Variants in RBM19 observed in about 807,000 individuals in gnomAD.
RBM19 encodes RNA binding motif protein 19, also known as probable RNA-binding protein 19.
Under a neutral mutation model 116.8 loss-of-function variants are expected in RBM19, and 94 were observed. The observed-to-expected ratio is 0.80, with a 90% CI of 0.68 to 0.95. The LOEUF (loss-of-function observed/expected upper bound fraction) is 0.95. RBM19 is among the 40% of genes least tolerant of loss of function. RBM19 has a pLI of 0.00. For synonymous variants in RBM19, 475 were observed against 494.1 expected (o/e 0.96, Z 0.51); for missense variants, 1,161 against 1,220.7 (o/e 0.95, Z 0.73).
chr12:113,942,644 C>T (rs186637689), intron 13 of RBM19, among the ~76,000 whole-genome samples: 1 of 142,266 alleles, frequency 7.0e-6, no homozygotes, highest in Non-Finnish European at 1.5e-5. Flanking sequence ...TCTGTCATAT[C>T]TGTCCCCCAG....
Position 113,959,205 on chromosome 12 carries a change from C to T in RBM19, c.571+7G>A. The T allele has an allele frequency of 6.2e-7, 1 of 1,606,742 alleles. No individual in the cohort carries two copies. The highest frequency in any genetic ancestry group is 8.5e-7 in the Non-Finnish European group (1 of 1,175,846). ...GCGCATGGAGCACACAGTCCCCATGCCCTCACCTTCCAGGTCCTCCCCGGC... is the reference window on the plus strand; with the variant it reads ...GCGCATGGAGCACACAGTCCCCATGTCCTCACCTTCCAGGTCCTCCCCGGC... On this transcript the variant is annotated splice_region_variant and intron_variant, in intron 5 of 23. Coordinates refer to ENST00000261741, the MANE Select transcript of RBM19 (RefSeq NM_016196.4).
chr12:113,933,248 C>A (rs997396761), intron 16 of RBM19, among the ~76,000 whole-genome samples: 1 of 151,396 alleles, frequency 6.6e-6, no homozygotes, highest in Non-Finnish European at 1.5e-5. Context: ...CTGAGAAAAT[C>A]CAGGGCTTTG....
intron 22 of RBM19, among the ~76,000 whole-genome samples, chr12:113,847,890 T>C (rs1460957537): frequency 6.6e-6 from 1 of 152,186 alleles, no homozygotes; most frequent in African/African-American, 2.4e-5. Flanking sequence ...TCACAAATCT[T>C]TCTCTCTTCC....
chr12:113,887,125 G>A (rs1461183823), intron 21 of RBM19, among the ~76,000 whole-genome samples: 1 of 152,168 alleles, frequency 6.6e-6, no homozygotes, highest in Non-Finnish European at 1.5e-5. Context: ...CTATGATACA[G>A]ATTTACTGGA....
In RBM19 at chr12:113,930,975, C is replaced by T. The variant is rs1249935354; in HGVS notation, c.2069-3746G>A. ...AAAATAGAGCTTATTAAAACCACCTCTCCCCTAATACCAAAAATACATACA... is the reference window on the plus strand; with the variant it reads ...AAAATAGAGCTTATTAAAACCACCTTTCCCCTAATACCAAAAATACATACA... On this transcript the variant is annotated intron_variant, in intron 16 of 23. Coordinates refer to ENST00000261741, the MANE Select transcript of RBM19 (RefSeq NM_016196.4). Among the ~76,000 whole-genome samples the T allele has an allele frequency of 2.0e-5, 3 of 152,154 alleles. 1 individual carries two copies. The East Asian group carries it at 5.8e-4, about 29-fold the overall frequency.
At chr12:113,848,842 T>C (rs935097771) in intron 22 of RBM19, among the ~76,000 whole-genome samples, 9 of 152,224 alleles carry the variant, frequency 5.9e-5, no homozygotes, top group Non-Finnish European at 1.2e-4. Flanking sequence ...ACTGCACCTT[T>C]GTTCCTCTCC....
At chr12:113,937,615 A>AT (rs1870188970) in intron 15 of RBM19, among the ~76,000 whole-genome samples, 1 of 152,046 alleles carries the variant, frequency 6.6e-6, no homozygotes, top group Non-Finnish European at 1.5e-5. Flanking sequence ...ATTTTTTTAA[A>AT]AGGATAGCTG....
chr12:113,886,773 T>C (rs1251326879), intron 21 of RBM19, among the ~76,000 whole-genome samples: 2 of 152,246 alleles, frequency 1.3e-5, no homozygotes, highest in African/African-American at 2.4e-5. Flanking sequence ...GGAGATCCTA[T>C]GGGTCCACCT....
chr12:113,929,233 C>A (rs1869390310), intron 16 of RBM19, among the ~76,000 whole-genome samples: 2 of 152,208 alleles, frequency 1.3e-5, no homozygotes, highest in Admixed American at 1.3e-4. Flanking sequence ...GTCTGTCCTG[C>A]CCTTTCTGAT....
intron 22 of RBM19, among the ~76,000 whole-genome samples, chr12:113,847,328 ATT>A (rs1172094211): frequency 6.6e-6 from 1 of 151,820 alleles, no homozygotes; most frequent in Non-Finnish European, 1.5e-5. Context: ...GGTGCAGAAA[ATT>A]TTTTCTTTCC....
intron 16 of RBM19, among the ~76,000 whole-genome samples, chr12:113,932,947 G>A (rs905189330): frequency 6.6e-6 from 1 of 152,090 alleles, no homozygotes; most frequent in Non-Finnish European, 1.5e-5. Flanking sequence ...GCCACATGGG[G>A]CTTTATTATA....
chr12:113,960,617 A>G (rs930232666), intron 2 of RBM19, among the ~76,000 whole-genome samples: 2 of 152,072 alleles, frequency 1.3e-5, no homozygotes, highest in Non-Finnish European at 2.9e-5. Flanking sequence ...GGGCTCTGGA[A>G]CCTGAGTTCT....
chr12:113,951,423 A>G (rs1020805482), intron 8 of RBM19, among the ~76,000 whole-genome samples: 1 of 152,172 alleles, frequency 6.6e-6, no homozygotes, highest in Admixed American at 6.5e-5. Context: ...CATGAATATT[A>G]ACAGCAGCTT....
intron 19 of RBM19, among the ~76,000 whole-genome samples, chr12:113,920,029 CT>C (rs1157336423): frequency 1.3e-5 from 2 of 152,208 alleles, no homozygotes; most frequent in African/African-American, 2.4e-5. Flanking sequence ...CACGCCGCCC[CT>C]GCCACAGTGG....
At chr12:113,894,385 A>T (rs942766481) in intron 21 of RBM19, among the ~76,000 whole-genome samples, 1 of 152,234 alleles carries the variant, frequency 6.6e-6, no homozygotes, top group African/African-American at 2.4e-5. Flanking sequence ...CAAACAGAAC[A>T]TGCCCTCTCC....
chr12:113,917,495 G>A (rs530485839), intron 20 of RBM19, among the ~76,000 whole-genome samples: 3 of 152,218 alleles, frequency 2.0e-5, no homozygotes, highest in African/African-American at 7.2e-5. Flanking sequence ...TTCCCTCCAA[G>A]GATGCTTAAC....
chr12:113,854,755 G>T (rs1157704146), intron 22 of RBM19, among the ~76,000 whole-genome samples: 1 of 152,180 alleles, frequency 6.6e-6, no homozygotes, highest in African/African-American at 2.4e-5. Context: ...ACAGACCGGG[G>T]TCTGGGCTTC....
At chr12:113,949,971 G>A in intron 9 of RBM19, 112 bp downstream of exon 9, 1 of 986,044 alleles carries the variant, frequency 1.0e-6, no homozygotes. Flanking sequence ...TGTCTGCAGA[G>A]ACACTGCATT....
rs1300912094 is a variant in RBM19 at position 113,924,745 on chromosome 12, C to G, written c.2257G>C (p.Val753Leu). The G allele has an allele frequency of 6.5e-7, 1 of 1,547,420 alleles. No homozygotes were observed. The highest frequency in any genetic ancestry group is 8.9e-7 in the Non-Finnish European group (1 of 1,119,364). Residue 753 changes from valine (V) to leucine (L), a missense_variant, in exon 18 of 24, where the codon GTG (valine) becomes CTG (leucine). Coordinates refer to ENST00000261741, the MANE Select transcript of RBM19 (RefSeq NM_016196.4). ...ATGGAGCAGCTCTTCACTGTCCCCA[C>G]TTTTGAAAACACCTGGATAAGAAAG... Reference protein sequence around the residue: ...EEKLKEVFSKVGTVKSCSISK... With the variant: ...EEKLKEVFSKLGTVKSCSISK...
Sources: allele counts gnomAD v4.1 joint callset (sites outside exome capture counted in the v4.1 genomes callset), GRCh38; gene constraint gnomAD v4.1.1; transcripts MANE v1.5; gene names NCBI Gene and HGNC (gene_info 2026-07-23, HGNC 2026-07-21).